The following SMARCA2 variants were observed in gnomAD, a reference collection of about 807,000 sequenced individuals.
SMARCA2 encodes the protein SWI/SNF-related matrix-associated actin-dependent regulator of chromatin subfamily A member 2.
A neutral mutation model predicts 199.8 loss-of-function variants in SMARCA2; 61 were observed. That is an observed-to-expected ratio of 0.31 (90% CI 0.25 to 0.38). The LOEUF (loss-of-function observed/expected upper bound fraction) is 0.38. Ranked by LOEUF, SMARCA2 falls within the 10% of genes least tolerant of loss-of-function variation. The pLI is 1.00. For missense variants in SMARCA2, 1,344 were observed against 2,012.2 expected (o/e 0.67, Z 6.35); for synonymous variants, 935 against 732.0 (o/e 1.28, Z -4.48).
chr9:2,174,607 G>A (rs1421583247), intron 29 of SMARCA2, among the ~76,000 whole-genome samples: 8 of 152,100 alleles, frequency 5.3e-5, no homozygotes, highest in Non-Finnish European at 1.2e-4. Flanking sequence ...AAGCTTTGAA[G>A]CATTTTACCA....
rs1053612153 is a variant in SMARCA2 at position 2,056,969 on chromosome 9, C to A, written c.1347+124C>A. The A allele has an allele frequency of 4.3e-5, 34 of 799,522 alleles. No individual in the cohort carries two copies. Among genetic ancestry groups the A allele is most frequent in the Non-Finnish European group, 6.5e-5 (33 of 509,796 alleles). The allele number at this position is 799,522 out of a possible 1,614,324, so 49.5% of individuals were successfully genotyped here. ...GTGGTGGGGACATCACAGAACAGAA[C>A]GGTTCCTTGACATGTACATAATCCA... is the stretch of plus-strand genomic sequence containing the variant. On this transcript the variant is annotated intron_variant, in intron 7 of 33. Transcript: ENST00000349721. The surrounding 1 kb of genome is among the most constrained non-coding windows in gnomAD (Gnocchi z 4.0).
chr9:2,065,633 G>A (rs1820806088), intron 9 of SMARCA2, among the ~76,000 whole-genome samples: 1 of 152,176 alleles, frequency 6.6e-6, no homozygotes, highest in African/African-American at 2.4e-5. Context: ...AGTAAAAAGA[G>A]CTTGAAAAGC....
At chr9:2,083,269 A>G in intron 15 of SMARCA2, 78 bp from the exon 16 acceptor site, 1 of 915,488 alleles carries the variant, frequency 1.1e-6, no homozygotes, top group Non-Finnish European at 1.7e-6. Context: ...AGGCCTGAAC[A>G]TGAATAAGAA....
intron 14 of SMARCA2, among the ~76,000 whole-genome samples, chr9:2,079,696 A>G (rs575766019): frequency 6.6e-6 from 1 of 152,374 alleles, no homozygotes; most frequent in South Asian, 2.1e-4. Flanking sequence ...AGACCATGTC[A>G]TAGTCCTGAG....
chr9:2,077,782 T>C lies in SMARCA2; in HGVS notation c.2184+6T>C. ...GGACCCTAAAGCATTACCAGGTAAT[T>C]GGCATGGTTTCAGTTTCCTTGGCAA... On this transcript the variant is annotated splice_donor_region_variant and intron_variant, in intron 14 of 33. Transcript: ENST00000349721. 6.2e-7 allele frequency: 1 copy of C among 1,602,220 alleles called. No homozygotes were observed. The highest frequency in any genetic ancestry group is 8.5e-7 in the Non-Finnish European group (1 of 1,173,862).
chr9:2,051,478 C>G (rs2130316368), intron 5 of SMARCA2, among the ~76,000 whole-genome samples: 1 of 152,330 alleles, frequency 6.6e-6, no homozygotes, highest in Admixed American at 6.5e-5. Flanking sequence ...CTCATTTCCG[C>G]TCCACTTCCC....
intron 1 of SMARCA2, among the ~76,000 whole-genome samples, chr9:2,023,984 C>T (rs868831956): frequency 2.0e-5 from 3 of 152,148 alleles, no homozygotes; most frequent in Admixed American, 6.5e-5. Flanking sequence ...GAGATGTGGA[C>T]TGGGCCTAAC....
At chr9:2,190,158 T>C (rs1032898205) in intron 32 of SMARCA2, among the ~76,000 whole-genome samples, 1 of 152,242 alleles carries the variant, frequency 6.6e-6, no homozygotes, top group Non-Finnish European at 1.5e-5. Context: ...CCTTGAACTC[T>C]TCCAAGTGTT....
At chr9:2,184,574 C>G (rs908484710) in intron 31 of SMARCA2, among the ~76,000 whole-genome samples, 1 of 151,470 alleles carries the variant, frequency 6.6e-6, no homozygotes, top group African/African-American at 2.4e-5. Context: ...GGGCTGGTCT[C>G]GAACTCCTGA....
At chr9:2,163,851 A>G (rs1345349666) in intron 28 of SMARCA2, among the ~76,000 whole-genome samples, 2 of 152,252 alleles carry the variant, frequency 1.3e-5, no homozygotes, top group Non-Finnish European at 2.9e-5. Context: ...AGTCACCAAC[A>G]GGTGGATGAC....
chr9:2,165,844 G>T (rs1377075036), intron 28 of SMARCA2, among the ~76,000 whole-genome samples: 2 of 152,102 alleles, frequency 1.3e-5, no homozygotes, highest in African/African-American at 2.4e-5. Flanking sequence ...GAGATTCCTA[G>T]AGGCATTATT....
intron 27 of SMARCA2, among the ~76,000 whole-genome samples, chr9:2,136,911 T>C (rs983125525): frequency 1.3e-5 from 2 of 152,198 alleles, no homozygotes; most frequent in East Asian, 1.9e-4. Flanking sequence ...TGGATGTTAT[T>C]TGCAATTTTC....
intron 4 of SMARCA2, chr9:2,041,022 AT>A (rs1283368830): frequency 4.4e-6 from 1 of 226,990 alleles, no homozygotes; most frequent in African/African-American, 2.3e-5. Flanking sequence ...GTTTCCATTC[AT>A]TTAGGCAAGT....
At chr9:2,046,779 T>A (rs1819864406) in intron 4 of SMARCA2, among the ~76,000 whole-genome samples, 1 of 151,794 alleles carries the variant, frequency 6.6e-6, no homozygotes, top group Non-Finnish European at 1.5e-5. Flanking sequence ...TGCATCTGAC[T>A]GTTGGGTGAC....
At chr9:2,185,170 C>A (rs57295225) in intron 31 of SMARCA2, among the ~76,000 whole-genome samples, 2 of 152,140 alleles carry the variant, frequency 1.3e-5, no homozygotes, top group African/African-American at 2.4e-5. Context: ...TGCCTACGAA[C>A]AACTAACTCT....
At chr9:2,111,799 C>G (rs184848205) in intron 24 of SMARCA2, among the ~76,000 whole-genome samples, 7 of 152,212 alleles carry the variant, frequency 4.6e-5, no homozygotes, top group Non-Finnish European at 1.0e-4. Flanking sequence ...TTGAGCGCTC[C>G]CAGGAGATTC....
chr9:2,118,897 T>C (rs1823331463), intron 25 of SMARCA2, among the ~76,000 whole-genome samples: 1 of 152,176 alleles, frequency 6.6e-6, no homozygotes, highest in East Asian at 1.9e-4. Flanking sequence ...TCATTAACAA[T>C]AATACCCATA....
intron 9 of SMARCA2, among the ~76,000 whole-genome samples, chr9:2,068,259 C>A (rs1200728814): frequency 6.6e-6 from 1 of 152,134 alleles, no homozygotes; most frequent in Non-Finnish European, 1.5e-5. Context: ...TGAAGCTGAT[C>A]ATTTCTTTTG....
At chr9:2,041,439 C>T (rs1479433917) in intron 4 of SMARCA2, 3 of 398,450 alleles carry the variant, frequency 7.5e-6, no homozygotes, top group African/African-American at 2.1e-5. Context: ...CCTCACATGG[C>T]AGAAGAGACA....
Sources: gnomAD v4.1 joint callset for allele counts (sites outside exome capture counted in the v4.1 genomes callset) on GRCh38, gnomAD v4.1.1 for gene constraint, Gnocchi (gnomAD v3.1) non-coding constraint, MANE v1.5 for transcripts, NCBI Gene and HGNC (gene_info 2026-07-23, HGNC 2026-07-21) for gene names.